RNF213: variants seen among roughly 807,000 people sequenced by gnomAD.
The protein encoded by RNF213 is E3 ubiquitin-protein ligase RNF213.
Under a neutral mutation model 514.4 loss-of-function variants are expected in RNF213, and 341 were observed. That is an observed-to-expected ratio of 0.66 (90% CI 0.61 to 0.73). The LOEUF (loss-of-function observed/expected upper bound fraction) is 0.73, where lower values mean the gene tolerates loss of function less well. Among genes scored for constraint, RNF213 ranks in the 30% least tolerant of loss-of-function variants. The probability of loss-of-function intolerance (pLI) is 0.00; values close to 1 mark genes in which losing one functional copy is unlikely to be tolerated. For synonymous variants in RNF213, 2,655 were observed against 2,658.2 expected (o/e 1.00, Z 0.04); for missense variants, 5,767 against 6,615.6 (o/e 0.87, Z 4.45).
In RNF213 at chr17:80,354,436, T is replaced by C. The variant is rs1394548654; in HGVS notation, c.10727-5T>C. On this transcript the variant is annotated splice_polypyrimidine_tract_variant and splice_region_variant and intron_variant, in intron 35 of 67. Coordinates refer to ENST00000582970, the MANE Select transcript of RNF213 (RefSeq NM_001256071.3). ...TGCTGAACGTCTGTTTCTGCCTTTG[T>C]ACAGCCTCTTTCTTGCGGGTATCCA... 2 of 1,614,266 alleles carry C rather than the reference T, an allele frequency of 1.2e-6. No homozygotes were observed. The highest frequency in any genetic ancestry group is 3.3e-5 in the Admixed American group (2 of 60,032).
At chr17:80,267,131 T>A (rs192518540) in intron 2 of RNF213, among the ~76,000 whole-genome samples, 52 of 151,318 alleles carry the variant, frequency 3.4e-4, no homozygotes, top group African/African-American at 1.1e-3. Flanking sequence ...GCACAAGAAT[T>A]GCTTGAACCC....
chr17:80,312,926 G>A, intron 14 of RNF213, 86 bp from the exon 15 acceptor site: 2 of 1,494,540 alleles, frequency 1.3e-6, no homozygotes. Flanking sequence ...TGTGCCAGCA[G>A]GGAGGAGAGG....
rs1598952602 is a variant in RNF213, at chr17:80,298,504, A to G, written c.2196A>G (p.Glu732=). The G allele has an allele frequency of 6.2e-7, 1 of 1,614,044 alleles. No homozygotes were observed. ...GACTCTCCTTCTCACCGTTCCGGGA[A>G]CAAATGCTAGATACGTAAGTCGTAG... ...LEGLSFSPFR[E]QMLDTSSLLQ... Residue 732 remains glutamate (E), a synonymous_variant, in exon 11 of 68, where the codon GAA becomes GAG. Coordinates refer to ENST00000582970, the MANE Select transcript of RNF213 (RefSeq NM_001256071.3).
intron 41 of RNF213, 23 bp downstream of exon 41, chr17:80,363,813 C>T: frequency 1.2e-6 from 2 of 1,609,112 alleles, no homozygotes; most frequent in Non-Finnish European, 8.5e-7. Context: ...AGCCCTCACC[C>T]ACTGCTTCAT....
intron 8 of RNF213, 60 bp from the exon 9 acceptor site, chr17:80,294,660 T>C: frequency 6.3e-7 from 1 of 1,592,346 alleles, no homozygotes; most frequent in Non-Finnish European, 8.6e-7. Context: ...TAGGCTAGTG[T>C]CTAGGTCTCC....
chr17:80,319,777 GC>G (rs1257330588), intron 17 of RNF213: 5 of 1,261,654 alleles, frequency 4.0e-6, no homozygotes, highest in African/African-American at 3.1e-5. Context: ...AAGAGATTGT[GC>G]CCCCCTGTCT....
intron 11 of RNF213, among the ~76,000 whole-genome samples, chr17:80,303,787 C>G (rs578172846): frequency 1.5e-4 from 22 of 151,526 alleles, no homozygotes; most frequent in Non-Finnish European, 3.1e-4. Context: ...CCAGGCTGGT[C>G]TTGAACTCCT....
intron 3 of RNF213, chr17:80,279,022 G>A: frequency 2.1e-6 from 3 of 1,431,996 alleles, no homozygotes; most frequent in Non-Finnish European, 2.8e-6. Flanking sequence ...AGTCGAGGAA[G>A]GCTGCCCAGG....
intron 57 of RNF213, 56 bp from the exon 58 acceptor site, chr17:80,382,923 A>C: frequency 9.7e-7 from 1 of 1,033,378 alleles, no homozygotes; most frequent in Non-Finnish European, 1.5e-6. Context: ...TATTATACGC[A>C]GACTGCTGTG....
At chr17:80,283,542 TC>T (rs1269949887) in intron 3 of RNF213, among the ~76,000 whole-genome samples, 2 of 152,168 alleles carry the variant, frequency 1.3e-5, no homozygotes, top group Admixed American at 6.5e-5. Context: ...GCCTCCAGCC[TC>T]CCCGGGCTCT....
chr17:80,353,673 T>G lies in RNF213; in HGVS notation c.10578+7T>G. The G allele has an allele frequency of 6.2e-7, 1 of 1,614,130 alleles. No individual in the cohort carries two copies. ...TGAACTCGGAGGCAGTGATGTAAGT[T>G]CTGGTTCTTGGGACCTCCCCTTGTG... On this transcript the variant is annotated splice_region_variant and intron_variant, in intron 34 of 67. Transcript: ENST00000582970. This position sits in a 1 kb window ranked among gnomAD's most constrained non-coding sequence, Gnocchi z 5.0.
rs940821925 is a variant in RNF213 at position 80,298,208 on chromosome 17, G to A, written c.2013-113G>A. The A allele has an allele frequency of 3.6e-6, 4 of 1,099,852 alleles. No individual in the cohort carries two copies. In the African/African-American group the frequency reaches 4.7e-5, roughly 13 times the overall value. The allele number at this position is 1,099,852 out of a possible 1,614,324, so 68.1% of individuals were successfully genotyped here. ...GTTAAACTCTGCTCAGCCACGCGCG[G>A]TGCTCCTCTTGCTCTGTGTGCACGG... On this transcript the variant is annotated intron_variant, in intron 10 of 67. Transcript: ENST00000582970.
chr17:80,327,995 C>T lies in RNF213; in HGVS notation c.3367+6C>T. On this transcript the variant is annotated splice_donor_region_variant and intron_variant, in intron 19 of 67. Transcript: ENST00000582970. ...TCTTGACATCTGGCAACTGAGTAAG[C>T]ATCGAGTCGATACGCACTTCAGGCT... 6.5e-7 allele frequency: 1 copy of T among 1,537,238 alleles called. No homozygotes were observed. The highest frequency in any genetic ancestry group is 8.7e-7 in the Non-Finnish European group (1 of 1,146,892).
chr17:80,369,428 C>T, intron 44 of RNF213, 74 bp from the exon 45 acceptor site: 2 of 1,312,506 alleles, frequency 1.5e-6, no homozygotes, highest in African/African-American at 2.9e-5. Flanking sequence ...AAATGCTGTG[C>T]AAATCTCAAG....
At position 80,347,178 on chromosome 17, in the gene RNF213, AG is replaced by A; in HGVS notation, c.8845del (p.Glu2949AsnfsTer69). 2 of 1,613,946 alleles carry A rather than the reference AG, an allele frequency of 1.2e-6. No individual in the cohort carries two copies. Among genetic ancestry groups the A allele is most frequent in the South Asian group, 2.2e-5 (2 of 91,040 alleles). On this transcript the variant is annotated frameshift_variant, in exon 29 of 68. Transcript: ENST00000582970. LOFTEE classifies it high-confidence loss of function. The surrounding 1 kb of genome is among the most constrained non-coding windows in gnomAD (Gnocchi z 7.2). ...AYETVCKRQDKEFFGLRDYYS... is the reference protein window; with the variant it reads ...AYETVCKRQDXEFFGLRDYYS... ...GAAACGGTGTGTAAGCGCCAGGACA[AG>A]GAATTCTTCGGGCTTCGTGACTACT...
At chr17:80,290,866 G>A (rs1400562020) in intron 7 of RNF213, 138 bp downstream of exon 7, 3 of 996,766 alleles carry the variant, frequency 3.0e-6, no homozygotes, top group Non-Finnish European at 4.5e-6. Context: ...CTGGAGTGTG[G>A]TGGCACCATC....
chr17:80,274,912 G>GT (rs2043985127), intron 3 of RNF213, among the ~76,000 whole-genome samples: 1 of 125,942 alleles, frequency 7.9e-6, no homozygotes, highest in Non-Finnish European at 1.7e-5. Flanking sequence ...GGGTGTGTGA[G>GT]TGGGGTGTGA....
At chr17:80,299,232 CAG>C (rs971873334) in intron 11 of RNF213, among the ~76,000 whole-genome samples, 5 of 132,594 alleles carry the variant, frequency 3.8e-5, no homozygotes, top group African/African-American at 1.4e-4. Context: ...GCGTTCCAGC[CAG>C]AGAGAGTGCC....
At chr17:80,330,687 CTG>C (rs1380537318) in intron 20 of RNF213, among the ~76,000 whole-genome samples, 1 of 152,236 alleles carries the variant, frequency 6.6e-6, no homozygotes, top group Non-Finnish European at 1.5e-5. Context: ...TGCCATGTAT[CTG>C]TGGCCTCCAA....
Sources: allele counts gnomAD v4.1 joint callset (sites outside exome capture counted in the v4.1 genomes callset), GRCh38; gene constraint gnomAD v4.1.1; non-coding constraint Gnocchi (gnomAD v3.1); transcripts MANE v1.5; gene names NCBI Gene and HGNC (gene_info 2026-07-23, HGNC 2026-07-21).